Variants in ZFAND6 observed in about 807,000 individuals in gnomAD.
ZFAND6 encodes zinc finger AN1-type containing 6.
Under a neutral mutation model 24.5 loss-of-function variants are expected in ZFAND6, and 12 were observed. That is an observed-to-expected ratio of 0.49 (90% CI 0.31 to 0.79). ZFAND6 has a LOEUF of 0.79. ZFAND6 is among the 30% of genes least tolerant of loss of function. The pLI is 0.04. For missense variants in ZFAND6, 207 were observed against 245.9 expected (o/e 0.84, Z 1.06); for synonymous variants, 92 against 81.5 (o/e 1.13, Z -0.69).
intron 1 of ZFAND6, among the ~76,000 whole-genome samples, chr15:80,097,457 T>G (rs929593790): frequency 8.5e-5 from 13 of 152,130 alleles, no homozygotes; most frequent in African/African-American, 2.9e-4. Context: ...AGACCAGCCC[T>G]GCCGATATGG....
At chr15:80,127,429 A>G (rs149709095) in intron 5 of ZFAND6, among the ~76,000 whole-genome samples, 1 of 151,904 alleles carries the variant, frequency 6.6e-6, no homozygotes, top group South Asian at 2.1e-4. Context: ...CTCTACTAAA[A>G]ATATGAAACT....
At chr15:80,110,533 C>T (rs1435652202) in intron 2 of ZFAND6, among the ~76,000 whole-genome samples, 2 of 151,634 alleles carry the variant, frequency 1.3e-5, no homozygotes, top group Non-Finnish European at 2.9e-5. Context: ...CAAACTGAAT[C>T]TAAAATTTAT....
At chr15:80,111,054 G>A (rs1237284739) in intron 2 of ZFAND6, among the ~76,000 whole-genome samples, 5 of 152,198 alleles carry the variant, frequency 3.3e-5, no homozygotes, top group Non-Finnish European at 7.3e-5. Context: ...GTCAGCTTCA[G>A]TAATACAGAT....
intron 1 of ZFAND6, among the ~76,000 whole-genome samples, chr15:80,073,892 A>G (rs965553434): frequency 6.6e-6 from 1 of 151,838 alleles, no homozygotes; most frequent in Non-Finnish European, 1.5e-5. Flanking sequence ...CGTCATTTTT[A>G]ATAGTATTGC....
chr15:80,059,189 T>C (rs1362201273), upstream of ZFAND6, among the ~76,000 whole-genome samples: 1 of 152,222 alleles, frequency 6.6e-6, no homozygotes, highest in Admixed American at 6.5e-5. Flanking sequence ...CCGGCCTGCA[T>C]GGGAAGACAG....
chr15:80,111,626 TA>T, intron 2 of ZFAND6: 1 of 368,188 alleles, frequency 2.7e-6, no homozygotes, highest in Non-Finnish European at 5.5e-6. Context: ...TATATTGCTA[TA>T]AGGAAATTTT....
At chr15:80,061,512 A>G (rs924270205) in intron 1 of ZFAND6, among the ~76,000 whole-genome samples, 2 of 152,214 alleles carry the variant, frequency 1.3e-5, no homozygotes, top group Admixed American at 6.5e-5. Flanking sequence ...TTATCTGTGC[A>G]GTGGATTTTG....
intron 2 of ZFAND6, among the ~76,000 whole-genome samples, chr15:80,099,862 C>A (rs1405201638): frequency 3.9e-5 from 6 of 152,140 alleles, no homozygotes; most frequent in Non-Finnish European, 5.9e-5. Flanking sequence ...AGTGATCTGC[C>A]TGCCTTGGCC....
chr15:80,074,810 C>G (rs538416599), intron 1 of ZFAND6, among the ~76,000 whole-genome samples: 36 of 152,072 alleles, frequency 2.4e-4, no homozygotes, highest in African/African-American at 8.4e-4. Context: ...ATAGGCATAA[C>G]TGGCTTATAA....
rs79774563 is a variant in ZFAND6 at position 80,135,525 on chromosome 15, T to C, written c.479-1955T>C. ...CACTGTGCTGAACACTGCATAAAAATTGGACTTACAGAAAAGAGTAGATAA... is the reference window on the plus strand; with the variant it reads ...CACTGTGCTGAACACTGCATAAAAACTGGACTTACAGAAAAGAGTAGATAA... On this transcript the variant is annotated intron_variant, in intron 6 of 6. Transcript: ENST00000261749. Among the ~76,000 whole-genome samples the C allele has an allele frequency of 1.9e-3, 295 of 152,338 alleles. 6 individuals are homozygous for C. In the East Asian group the frequency reaches 0.048, roughly 25 times the overall value.
intron 1 of ZFAND6, among the ~76,000 whole-genome samples, chr15:80,074,907 G>C (rs1366376316): frequency 6.6e-6 from 1 of 151,996 alleles, no homozygotes. Context: ...CTTACAAATG[G>C]GGAGTAATGA....
chr15:80,100,474 C>A (rs2038972352), intron 2 of ZFAND6, among the ~76,000 whole-genome samples: 1 of 150,862 alleles, frequency 6.6e-6, no homozygotes, highest in African/African-American at 2.4e-5. Context: ...TCCCAAATTT[C>A]TTTTTATCTC....
intron 6 of ZFAND6, 110 bp from the exon 7 acceptor site, chr15:80,137,370 C>A (rs1300405719): frequency 2.5e-6 from 3 of 1,209,322 alleles, no homozygotes; most frequent in South Asian, 1.7e-5. Context: ...TAGAATGATT[C>A]TTTAGTTTAC....
At chr15:80,124,530 T>C (rs777003715) in intron 5 of ZFAND6, among the ~76,000 whole-genome samples, 6 of 152,210 alleles carry the variant, frequency 3.9e-5, no homozygotes, top group Non-Finnish European at 8.8e-5. Flanking sequence ...ATAAAGGTCA[T>C]AGATTGGTGA....
intron 1 of ZFAND6, among the ~76,000 whole-genome samples, chr15:80,065,312 G>A (rs571157850): frequency 6.6e-6 from 1 of 150,558 alleles, no homozygotes; most frequent in Non-Finnish European, 1.5e-5. Context: ...TTTATCATAT[G>A]TTAAATGCAC....
In ZFAND6 at chr15:80,098,534, T is replaced by A. The variant is rs1567072651; in HGVS notation, c.-62T>A. 6.6e-6 allele frequency: 1 copy of A among 152,242 alleles called. No homozygotes were observed. The highest frequency in any genetic ancestry group is 1.5e-5 in the Non-Finnish European group (1 of 68,036). The allele number at this position is 152,242 out of a possible 1,614,324, so 9.4% of individuals were successfully genotyped here. A position where few individuals can be genotyped will look rare whatever the true frequency, so the allele number is the denominator to read the frequency against. On this transcript the variant is annotated 5_prime_UTR_variant, in exon 2 of 7. Transcript: ENST00000261749. ...ATAGGGAAGGCAGAAAGCTAATGTCTGTCTCAAGATACAGGACAGCTGTTT... is the reference window on the plus strand; with the variant it reads ...ATAGGGAAGGCAGAAAGCTAATGTCAGTCTCAAGATACAGGACAGCTGTTT...
At chr15:80,059,095 T>C (rs925846985), upstream of ZFAND6, among the ~76,000 whole-genome samples, 14 of 152,220 alleles carry the variant, frequency 9.2e-5, no homozygotes, top group Non-Finnish European at 1.6e-4. Context: ...TGCTTCTATT[T>C]CCAAGTCCCA....
intron 5 of ZFAND6, among the ~76,000 whole-genome samples, chr15:80,127,726 T>G (rs1452197163): frequency 6.6e-6 from 1 of 151,732 alleles, no homozygotes; most frequent in Non-Finnish European, 1.5e-5. Flanking sequence ...TGTAGAAAAA[T>G]TGGAGCCCTC....
intron 2 of ZFAND6, among the ~76,000 whole-genome samples, chr15:80,109,549 C>G (rs764188248): frequency 6.6e-6 from 1 of 152,106 alleles, no homozygotes; most frequent in Non-Finnish European, 1.5e-5. Flanking sequence ...ACCTGTCATA[C>G]CCAGCAACGT....
Sources: allele counts gnomAD v4.1 joint callset (sites outside exome capture counted in the v4.1 genomes callset), GRCh38; gene constraint gnomAD v4.1.1; transcripts MANE v1.5; gene names NCBI Gene and HGNC (gene_info 2026-07-23, HGNC 2026-07-21).